WASHC2C: variants seen among roughly 807,000 people sequenced by gnomAD.
WASHC2C encodes the protein Vaccinia Penetration Factor.
A neutral mutation model predicts 142.2 loss-of-function variants in WASHC2C; 73 were observed. That is an observed-to-expected ratio of 0.51 (90% CI 0.43 to 0.62). The LOEUF is 0.62. WASHC2C is among the 20% of genes least tolerant of loss of function. WASHC2C has a pLI of 0.00. For synonymous variants in WASHC2C, 337 were observed against 565.5 expected, an observed-to-expected ratio of 0.60 and a Z score of 5.73; for missense variants, 969 against 1,531.7, an observed-to-expected ratio of 0.63 and a Z score of 6.13.
intron 23 of WASHC2C, among the ~76,000 whole-genome samples, chr10:45,784,289 TACACATATATATATATATATATAC>T (rs1467239140): frequency 5.1e-4 from 9 of 17,718 alleles, no homozygotes; most frequent in Non-Finnish European, 2.8e-4. Context: ...TATATATATA[TACACATATATATATATATATATAC>T]ACACACATAT....
At chr10:45,753,869 A>G (rs1288904455) in intron 13 of WASHC2C, among the ~76,000 whole-genome samples, 26 of 150,694 alleles carry the variant, frequency 1.7e-4, no homozygotes, top group African/African-American at 5.2e-4. Context: ...ATGTTACTCA[A>G]TAGGTTTGTG....
intron 5 of WASHC2C, among the ~76,000 whole-genome samples, chr10:45,741,041 A>G (rs2490894): frequency 0.038 from 5,613 of 146,360 alleles, 132 homozygotes; most frequent in East Asian, 0.051. Context: ...TCTGCCTCCC[A>G]GGTTCAAGCG....
chr10:45,788,826 C>A (rs1226067656), intron 28 of WASHC2C, 45 bp from the exon 29 acceptor site: 18 of 1,611,944 alleles, frequency 1.1e-5, no homozygotes, highest in Non-Finnish European at 1.5e-5. Flanking sequence ...GCTTTGAACA[C>A]TTTATTTTAT....
At chr10:45,762,927 G>A (rs2055315845) in intron 17 of WASHC2C, among the ~76,000 whole-genome samples, 1 of 152,144 alleles carries the variant, frequency 6.6e-6, no homozygotes, top group Non-Finnish European at 1.5e-5. Flanking sequence ...AAAGAAGTAA[G>A]TCATAATCTT....
chr10:45,769,562 G>C lies in WASHC2C; in HGVS notation c.1983G>C (p.Lys661Asn), dbSNP rs782365885. 103 of 1,611,790 alleles carry C rather than the reference G, an allele frequency of 6.4e-5. No individual in the cohort carries two copies. Among genetic ancestry groups the C allele is most frequent in the Admixed American group, 5.0e-5 (3 of 59,984 alleles). Reference sequence around the variant, plus strand: ...GCCAGGAGGCCAAGGCTGTGAAAAAGACCAGTCTCTTTGAGGAAGACAAAG... The same window carrying C: ...GCCAGGAGGCCAAGGCTGTGAAAAACACCAGTCTCTTTGAGGAAGACAAAG... ...LQSQEAKAVK[K>N]TSLFEEDKED... is the part of the protein sequence containing the mutation. Residue 661 changes from lysine to asparagine, a missense_variant, in exon 20 of 31, where the codon AAG becomes AAC. Physicochemically the swap from Lys to Asn is moderately conservative, Grantham distance 94 (BLOSUM62 0). Coordinates refer to ENST00000623400, the MANE Select transcript of WASHC2C (RefSeq NM_001330074.2).
intron 30 of WASHC2C, among the ~76,000 whole-genome samples, chr10:45,790,861 G>A (rs1201652815): frequency 1.3e-5 from 2 of 152,170 alleles, no homozygotes; most frequent in Non-Finnish European, 2.9e-5. Flanking sequence ...ATGACCTCAC[G>A]TGCTAAAGTA....
Position 45,790,688 on chromosome 10 carries a change from T to C in WASHC2C, c.3886+155T>C, listed in dbSNP as rs1433976835. On this transcript the variant is annotated intron_variant, in intron 30 of 30. Transcript: ENST00000623400. ...AGTTAGGCTGAAGATAGGTAAGAGA[T>C]GGACTAATTATTTTAGTGAAGTAAC... Among the ~76,000 whole-genome samples the C allele has an allele frequency of 3.3e-5, 5 of 152,200 alleles. No individual in the cohort carries two copies. The South Asian group carries it at 8.3e-4, about 25-fold the overall frequency.
chr10:45,730,712 C>G (rs1231377674), intron 3 of WASHC2C, among the ~76,000 whole-genome samples: 1 of 151,376 alleles, frequency 6.6e-6, no homozygotes, highest in East Asian at 2.0e-4. Flanking sequence ...CTCCGCCTCC[C>G]GGGTTCACGC....
chr10:45,784,864 A>G lies in WASHC2C; in HGVS notation c.2651A>G (p.Asp884Gly). The change falls in exon 25 of 31, where the codon GAT becomes GGT. Residue 884 changes from aspartate to glycine, a missense_variant. By Grantham distance (94) the Asp-to-Gly change is moderately conservative (BLOSUM62 -1). Coordinates refer to ENST00000623400, the MANE Select transcript of WASHC2C (RefSeq NM_001330074.2). ...SVGSLFGDDEDDDLFSSAKSQ... is the reference protein window; with the variant it reads ...SVGSLFGDDEGDDLFSSAKSQ... ...GGGAGCCTGTTTGGGGATGATGAAG[A>G]TGATGATCTTTTCAGCTCTGCCAAG... 6.2e-7 allele frequency: 1 copy of G among 1,609,106 alleles called. No individual in the cohort carries two copies. Among genetic ancestry groups the G allele is most frequent in the Non-Finnish European group, 8.5e-7 (1 of 1,178,154 alleles).
At chr10:45,758,456 A>G (rs1390517939) in intron 16 of WASHC2C, among the ~76,000 whole-genome samples, 1 of 152,038 alleles carries the variant, frequency 6.6e-6, no homozygotes, top group African/African-American at 2.4e-5. Context: ...GGCACAAACC[A>G]CTATTTTTTT....
intron 3 of WASHC2C, 119 bp downstream of exon 3, chr10:45,729,145 T>C: frequency 8.8e-7 from 1 of 1,141,280 alleles, no homozygotes; most frequent in East Asian, 2.7e-5. Context: ...TTGGTAATTG[T>C]AGCTTTTTTC....
intron 23 of WASHC2C, 42 bp from the exon 24 acceptor site, chr10:45,784,523 C>T: frequency 1.2e-6 from 2 of 1,605,862 alleles, no homozygotes; most frequent in Non-Finnish European, 1.7e-6. Flanking sequence ...GAGATAAGTT[C>T]TTACAGCTCT....
intron 23 of WASHC2C, among the ~76,000 whole-genome samples, chr10:45,779,405 C>T (rs1397259130): frequency 6.6e-6 from 1 of 151,320 alleles, no homozygotes; most frequent in Non-Finnish European, 1.5e-5. Flanking sequence ...TGCCCCTTGG[C>T]CAGTTGTGGG....
chr10:45,784,558 T>A lies in WASHC2C; in HGVS notation c.2479-7T>A, dbSNP rs2057888044. 6.2e-7 allele frequency: 1 copy of A among 1,611,296 alleles called. No individual in the cohort carries two copies. The highest frequency in any genetic ancestry group is 1.3e-5 in the African/African-American group (1 of 74,754). ...TAATCACACATGACCTTCCCTCCTG[T>A]TCCCAGGGCTGCGATCCTGATGCCC... On this transcript the variant is annotated splice_polypyrimidine_tract_variant and splice_region_variant and intron_variant, in intron 23 of 30. Transcript: ENST00000623400.
intron 3 of WASHC2C, among the ~76,000 whole-genome samples, chr10:45,734,320 T>C (rs2050951860): frequency 6.6e-6 from 1 of 151,858 alleles, no homozygotes; most frequent in African/African-American, 2.4e-5. Context: ...GTGTATTTTT[T>C]TCTGTTCTTG....
At chr10:45,738,707 A>G (rs2051593864) in intron 4 of WASHC2C, among the ~76,000 whole-genome samples, 1 of 152,056 alleles carries the variant, frequency 6.6e-6, no homozygotes, top group Admixed American at 6.5e-5. Flanking sequence ...TTTTATTTAA[A>G]AAATTTTTTT....
Position 45,782,702 on chromosome 10 carries a change from CAA to C in WASHC2C, c.2479-1862_2479-1861del, listed in dbSNP as rs1432889199. ...ATTCATAATAGCCAAAAGATGGAAA[CAA>C]TGGCTAAACATAATATAGTATATCC... On this transcript the variant is annotated intron_variant, in intron 23 of 30. Transcript: ENST00000623400. Among the ~76,000 whole-genome samples, 4 of 152,224 alleles carry C rather than the reference CAA, an allele frequency of 2.6e-5. No individual in the cohort carries two copies. In the East Asian group the frequency reaches 7.7e-4, roughly 29 times the overall value.
At chr10:45,733,602 G>A (rs1485135453) in intron 3 of WASHC2C, among the ~76,000 whole-genome samples, 3 of 152,268 alleles carry the variant, frequency 2.0e-5, no homozygotes, top group Admixed American at 2.0e-4. Flanking sequence ...ACTTGAGGAT[G>A]CATAGTCCTG....
At position 45,728,965 on chromosome 10, in the gene WASHC2C, G is replaced by A; in HGVS notation, c.230G>A (p.Cys77Tyr). 6.2e-7 allele frequency: 1 copy of A among 1,613,966 alleles called. No homozygotes were observed. Among genetic ancestry groups the A allele is most frequent in the Non-Finnish European group, 8.5e-7 (1 of 1,179,854 alleles). The change falls in exon 3 of 31, where the codon TGT (cysteine) becomes TAT (tyrosine). Residue 77 changes from cysteine (C) to tyrosine (Y), a missense_variant. By Grantham distance (194) the Cys-to-Tyr change is radical (BLOSUM62 -2). Transcript: ENST00000623400. Reference protein sequence around the residue: ...GLIRETKATDCRLHNVFNDFL... With the variant: ...GLIRETKATDYRLHNVFNDFL... ...ATCCGGGAAACCAAAGCCACAGATT[G>A]TCGCCTGCATAATGTCTTCAATGAC...
Sources: allele counts gnomAD v4.1 joint callset (sites outside exome capture counted in the v4.1 genomes callset), GRCh38; gene constraint gnomAD v4.1.1; transcripts MANE v1.5; gene names NCBI Gene and HGNC (gene_info 2026-07-23, HGNC 2026-07-21).